Variants in RPH3A observed in about 807,000 individuals in gnomAD.
RPH3A encodes rabphilin-3A.
In RPH3A, 48 loss-of-function variants were observed where a neutral mutation model predicts 102.2. The ratio of observed to expected loss-of-function variants is 0.47; its 90% confidence interval spans 0.37 to 0.60. The LOEUF (loss-of-function observed/expected upper bound fraction) is 0.60, where lower values mean the gene tolerates loss of function less well. RPH3A is among the 20% of genes least tolerant of loss of function. The pLI is 0.00. For synonymous variants in RPH3A, 310 were observed against 324.3 expected (o/e 0.96, Z 0.47); for missense variants, 781 against 910.1 (o/e 0.86, Z 1.83).
At chr12:112,751,153 G>A (rs1437091717) in intron 1 of RPH3A, among the ~76,000 whole-genome samples, 2 of 152,192 alleles carry the variant, frequency 1.3e-5, no homozygotes, top group African/African-American at 4.8e-5. Flanking sequence ...TGAGTTTTCT[G>A]TTCCTTGTAA....
chr12:112,665,931 C>T (rs1334763916), intron 1 of RPH3A, among the ~76,000 whole-genome samples: 1 of 152,210 alleles, frequency 6.6e-6, no homozygotes. Flanking sequence ...ACTGCAAAGC[C>T]TTCCTGAGCC....
intron 1 of RPH3A, among the ~76,000 whole-genome samples, chr12:112,621,367 G>A (rs1488874510): frequency 1.3e-5 from 2 of 150,090 alleles, no homozygotes; most frequent in African/African-American, 4.9e-5. Flanking sequence ...TGCGCGAGCC[G>A]AAGCAGGGCG....
At chr12:112,673,685 C>G (rs373346480) in intron 1 of RPH3A, among the ~76,000 whole-genome samples, 2 of 152,158 alleles carry the variant, frequency 1.3e-5, no homozygotes, top group South Asian at 2.1e-4. Flanking sequence ...GAGTTACAAA[C>G]AATCCAATCA....
At chr12:112,827,705 A>G (rs1176060362) in intron 2 of RPH3A, among the ~76,000 whole-genome samples, 1 of 152,084 alleles carries the variant, frequency 6.6e-6, no homozygotes, top group Non-Finnish European at 1.5e-5. Flanking sequence ...AGGCAGGGAC[A>G]CATGGACACA....
Position 112,896,945 on chromosome 12 carries a change from A to G in RPH3A, c.*165A>G, listed in dbSNP as rs1430628163. 4.6e-6 allele frequency: 3 copies of G among 649,398 alleles called. No homozygotes were observed. The highest frequency in any genetic ancestry group is 2.9e-5 in the Admixed American group (1 of 34,428). 40.2% of individuals were successfully genotyped at this position (649,398 alleles called of 1,614,324 possible). The stretch of plus-strand genomic sequence containing the variant: ...GTCACGTTGGGCACTGCTGCCAAAG[A>G]CTCCCTCCTCCCTGATGCTGGGATG... On this transcript the variant is annotated 3_prime_UTR_variant, in exon 22 of 22. Transcript: ENST00000389385.
At chr12:112,745,162 T>C (rs563276325) in intron 1 of RPH3A, among the ~76,000 whole-genome samples, 1 of 152,324 alleles carries the variant, frequency 6.6e-6, no homozygotes, top group East Asian at 1.9e-4. Context: ...GCTTTCCTGA[T>C]GCTTCTGTGT....
chr12:112,592,931 A>G (rs1293425998), intron 1 of RPH3A, among the ~76,000 whole-genome samples: 5 of 152,204 alleles, frequency 3.3e-5, no homozygotes, highest in Admixed American at 2.6e-4. Context: ...TTTCTGCTGT[A>G]TGGAGTCTGA....
intron 4 of RPH3A, among the ~76,000 whole-genome samples, chr12:112,846,837 A>G (rs2042237266): frequency 6.6e-6 from 1 of 152,198 alleles, no homozygotes; most frequent in African/African-American, 2.4e-5. Context: ...TGATTCTCTG[A>G]ACCATTGCCG....
chr12:112,643,611 C>T (rs2039906297), intron 1 of RPH3A, among the ~76,000 whole-genome samples: 1 of 152,236 alleles, frequency 6.6e-6, no homozygotes, highest in Non-Finnish European at 1.5e-5. Context: ...TGATTCTAGG[C>T]TGTTTGCCTT....
chr12:112,656,432 A>G (rs1481512409), intron 1 of RPH3A, among the ~76,000 whole-genome samples: 1 of 152,232 alleles, frequency 6.6e-6, no homozygotes, highest in East Asian at 1.9e-4. Flanking sequence ...TCCAGAACTT[A>G]TCAGTATCTT....
Position 112,679,491 on chromosome 12 carries a change from T to C in RPH3A, c.-140+104172T>C, listed in dbSNP as rs550595093. Among the ~76,000 whole-genome samples, 381 of 152,116 alleles carry C rather than the reference T, an allele frequency of 2.5e-3. 1 individual carries two copies. The highest frequency in any genetic ancestry group is 8.4e-3 in the African/African-American group (349 of 41,484). On this transcript the variant is annotated intron_variant, in intron 1 of 21. Transcript: ENST00000543106. ...CCCGGTCTGGAGTGCCGTGGCGCAATCTTGGCTCACTGCAACCTCCACCTC... is the reference window on the plus strand; with the variant it reads ...CCCGGTCTGGAGTGCCGTGGCGCAACCTTGGCTCACTGCAACCTCCACCTC...
At chr12:112,660,700 A>G (rs1451332113) in intron 1 of RPH3A, among the ~76,000 whole-genome samples, 1 of 152,166 alleles carries the variant, frequency 6.6e-6, no homozygotes, top group Non-Finnish European at 1.5e-5. Flanking sequence ...CAAACAAACA[A>G]AAATCCCAAA....
intron 1 of RPH3A, among the ~76,000 whole-genome samples, chr12:112,688,363 T>C (rs964576903): frequency 6.6e-6 from 1 of 152,188 alleles, no homozygotes; most frequent in Non-Finnish European, 1.5e-5. Flanking sequence ...GAGAGAGACC[T>C]AGCAATCACT....
At chr12:112,799,898 A>G (rs775828915) in intron 2 of RPH3A, among the ~76,000 whole-genome samples, 26 of 152,306 alleles carry the variant, frequency 1.7e-4, no homozygotes, top group Non-Finnish European at 2.9e-4. Flanking sequence ...ACATCAAACG[A>G]GTTCCCAGGC....
intron 12 of RPH3A, among the ~76,000 whole-genome samples, chr12:112,876,379 C>G (rs1253037567): frequency 6.6e-6 from 1 of 152,066 alleles, no homozygotes; most frequent in Non-Finnish European, 1.5e-5. Context: ...AGTAATTTGC[C>G]GCAGGTCACA....
intron 1 of RPH3A, among the ~76,000 whole-genome samples, chr12:112,739,050 G>C (rs1370056298): frequency 1.3e-5 from 2 of 152,182 alleles, no homozygotes; most frequent in Non-Finnish European, 2.9e-5. Flanking sequence ...GCTTGTAACT[G>C]TTAATGAACT....
Position 112,881,765 on chromosome 12 carries a change from C to G in RPH3A, c.1252-7C>G, listed in dbSNP as rs758272715. On this transcript the variant is annotated splice_region_variant and splice_polypyrimidine_tract_variant and intron_variant, in intron 14 of 21. Coordinates refer to ENST00000389385, the MANE Select transcript of RPH3A (RefSeq NM_001143854.2). ...GGCCCTCACACCATTGCCTCCTTCTCTTGCAGGGCCTGAAGCCCATGGATT... is the reference window on the plus strand; with the variant it reads ...GGCCCTCACACCATTGCCTCCTTCTGTTGCAGGGCCTGAAGCCCATGGATT... The G allele has an allele frequency of 1.2e-6, 2 of 1,607,986 alleles. No homozygotes were observed. The highest frequency in any genetic ancestry group is 1.7e-6 in the Non-Finnish European group (2 of 1,176,282).
intron 4 of RPH3A, among the ~76,000 whole-genome samples, chr12:112,841,764 G>C (rs2042152002): frequency 6.7e-6 from 1 of 148,278 alleles, no homozygotes; most frequent in African/African-American, 2.5e-5. Context: ...TCTGGGGTTA[G>C]TGTATCCAGA....
chr12:112,723,000 A>C lies in RPH3A; in HGVS notation c.-139-69143A>C, dbSNP rs138558309. On this transcript the variant is annotated intron_variant, in intron 1 of 21. Transcript: ENST00000543106. Reference sequence around the variant, plus strand: ...GACACACTTATTAGACACTAAGAGAAGAACTATGAGGATCAGTAGGGAAAA... The same window carrying C: ...GACACACTTATTAGACACTAAGAGACGAACTATGAGGATCAGTAGGGAAAA... 3.1e-3 allele frequency among the ~76,000 whole-genome samples: 478 copies of C among 152,378 alleles called. 4 individuals carry two copies. Among genetic ancestry groups the C allele is most frequent in the African/African-American group, 0.011 (458 of 41,584 alleles).
Sources: allele counts gnomAD v4.1 joint callset (sites outside exome capture counted in the v4.1 genomes callset), GRCh38; gene constraint gnomAD v4.1.1; transcripts MANE v1.5; gene names NCBI Gene and HGNC (gene_info 2026-07-23, HGNC 2026-07-21).